WDPCP: variants seen among roughly 807,000 people sequenced by gnomAD.
WDPCP encodes the protein WD repeat-containing and planar cell polarity effector protein fritz homolog.
A neutral mutation model predicts 93.1 loss-of-function variants in WDPCP; 71 were observed. That is an observed-to-expected ratio of 0.76 (90% CI 0.63 to 0.93). The LOEUF (loss-of-function observed/expected upper bound fraction) is 0.93. Among genes scored for constraint, WDPCP ranks in the 40% least tolerant of loss-of-function variants. The probability of loss-of-function intolerance (pLI) is 0.00; values close to 1 mark genes in which losing one functional copy is unlikely to be tolerated. For synonymous variants in WDPCP, 315 were observed against 315.0 expected (o/e 1.00, Z 0.00); for missense variants, 844 against 887.4 (o/e 0.95, Z 0.62).
At chr2:63,213,598 G>A (rs1371277952) in intron 14 of WDPCP, among the ~76,000 whole-genome samples, 2 of 152,096 alleles carry the variant, frequency 1.3e-5, no homozygotes, top group Non-Finnish European at 2.9e-5. Flanking sequence ...TCAAAAGCGA[G>A]CACAAGGCAA....
intron 3 of WDPCP, among the ~76,000 whole-genome samples, chr2:63,602,136 A>G (rs1709431006): frequency 6.6e-6 from 1 of 152,222 alleles, no homozygotes. Flanking sequence ...AGTGATTTAC[A>G]ATATCACAAA....
chr2:63,321,386 CTGTGTGTGTG>C (rs59970085), intron 12 of WDPCP, among the ~76,000 whole-genome samples: 26,472 of 148,476 alleles, frequency 0.18, 2,420 homozygotes, highest in Middle Eastern at 0.25. Context: ...TATATACACT[CTGTGTGTGTG>C]TGTGTGTGTG....
chr2:63,276,186 C>T (rs1250930757), intron 13 of WDPCP, among the ~76,000 whole-genome samples: 1 of 152,172 alleles, frequency 6.6e-6, no homozygotes, highest in African/African-American at 2.4e-5. Flanking sequence ...AGGTGGAGAA[C>T]ACCACATCAA....
intron 2 of WDPCP, chr2:63,717,754 T>C (rs1447148160): frequency 2.6e-6 from 1 of 384,672 alleles, no homozygotes; most frequent in Non-Finnish European, 5.0e-6. Flanking sequence ...TGCGGTATGA[T>C]GGAGACGAAT....
intron 13 of WDPCP, among the ~76,000 whole-genome samples, chr2:63,272,414 T>C (rs1162226013): frequency 6.6e-6 from 1 of 152,100 alleles, no homozygotes; most frequent in Non-Finnish European, 1.5e-5. Context: ...TGTGCAGATA[T>C]CAACATAAAG....
chr2:63,347,730 GC>G (rs5831659), intron 12 of WDPCP, among the ~76,000 whole-genome samples: 9 of 143,836 alleles, frequency 6.3e-5, no homozygotes, highest in Non-Finnish European at 1.0e-4. Context: ...GGGGGAAATT[GC>G]CCCCCCCGCC....
chr2:63,618,285 G>A (rs1056110828), intron 3 of WDPCP, among the ~76,000 whole-genome samples: 1 of 152,206 alleles, frequency 6.6e-6, no homozygotes, highest in Non-Finnish European at 1.5e-5. Flanking sequence ...GCTTTATCTG[G>A]AAGGTTTTAT....
At chr2:63,676,686 A>G (rs553926185) in intron 2 of WDPCP, among the ~76,000 whole-genome samples, 1 of 152,312 alleles carries the variant, frequency 6.6e-6, no homozygotes, top group Admixed American at 6.5e-5. Context: ...GAGGATGGGT[A>G]TGGCTATAAA....
At chr2:63,618,712 CAG>C (rs1282709885) in intron 3 of WDPCP, among the ~76,000 whole-genome samples, 1 of 138,746 alleles carries the variant, frequency 7.2e-6, no homozygotes. Context: ...TTTTTTGAGA[CAG>C]AGTTTCGCTC....
At chr2:63,346,913 A>G (rs944430705) in intron 12 of WDPCP, among the ~76,000 whole-genome samples, 16 of 152,198 alleles carry the variant, frequency 1.1e-4, no homozygotes, top group African/African-American at 3.9e-4. Context: ...TCAGAGTCCT[A>G]TACTGTCAAT....
intron 10 of WDPCP, among the ~76,000 whole-genome samples, chr2:63,383,533 G>T (rs1692487467): frequency 6.6e-6 from 1 of 152,070 alleles, no homozygotes; most frequent in African/African-American, 2.4e-5. Context: ...TGGCAAACAT[G>T]GCAAAACAGT....
intron 2 of WDPCP, among the ~76,000 whole-genome samples, chr2:63,740,234 G>A (rs1459080934): frequency 1.3e-5 from 2 of 152,056 alleles, no homozygotes; most frequent in Non-Finnish European, 2.9e-5. Context: ...GAGGATATAT[G>A]TATATTCAGC....
chr2:63,692,112 T>C (rs1459785454), intron 2 of WDPCP, among the ~76,000 whole-genome samples: 2 of 152,180 alleles, frequency 1.3e-5, no homozygotes, highest in African/African-American at 4.8e-5. Flanking sequence ...CTAGCTCTAC[T>C]CTTACTGGGA....
intron 12 of WDPCP, among the ~76,000 whole-genome samples, chr2:63,331,244 C>A (rs757136252): frequency 6.6e-6 from 1 of 152,118 alleles, no homozygotes; most frequent in Non-Finnish European, 1.5e-5. Flanking sequence ...TGGCCCATCC[C>A]CTTTTTCCTT....
At chr2:63,457,557 C>G (rs1343450226) in intron 6 of WDPCP, among the ~76,000 whole-genome samples, 1 of 152,078 alleles carries the variant, frequency 6.6e-6, no homozygotes, top group African/African-American at 2.4e-5. Flanking sequence ...AAATCGTCAA[C>G]AAAATACTAA....
At chr2:63,825,781 T>C (rs1375850120) in intron 1 of WDPCP, among the ~76,000 whole-genome samples, 1 of 152,080 alleles carries the variant, frequency 6.6e-6, no homozygotes, top group Non-Finnish European at 1.5e-5. Flanking sequence ...TGATACCTAT[T>C]ACTGCTGCTC....
chr2:63,376,275 G>T (rs746472564), intron 12 of WDPCP, among the ~76,000 whole-genome samples: 23 of 151,846 alleles, frequency 1.5e-4, no homozygotes, highest in Non-Finnish European at 3.1e-4. Flanking sequence ...ACATGAAAAA[G>T]CTAGTATGCC....
chr2:63,347,067 C>T (rs1034335498), intron 12 of WDPCP, among the ~76,000 whole-genome samples: 1 of 152,114 alleles, frequency 6.6e-6, no homozygotes, highest in Non-Finnish European at 1.5e-5. Flanking sequence ...TATTACAACC[C>T]TAACAACAAT....
intron 3 of WDPCP, among the ~76,000 whole-genome samples, chr2:63,634,201 A>G (rs1273764513): frequency 6.6e-6 from 1 of 152,228 alleles, no homozygotes; most frequent in Non-Finnish European, 1.5e-5. Flanking sequence ...TGAAAAAGTG[A>G]AGGAATTGAA....
Sources: allele counts gnomAD v4.1 joint callset (sites outside exome capture counted in the v4.1 genomes callset), GRCh38; gene constraint gnomAD v4.1.1; transcripts MANE v1.5; gene names NCBI Gene and HGNC (gene_info 2026-07-23, HGNC 2026-07-21).